YES1: variants seen among roughly 807,000 people sequenced by gnomAD.
YES1 encodes the protein YES proto-oncogene 1, Src family tyrosine kinase, also known as tyrosine-protein kinase Yes.
YES1 carries 39 observed loss-of-function variants against 70.4 expected under a neutral mutation model. The observed-to-expected ratio is 0.55, with a 90% CI of 0.43 to 0.72. YES1 has a LOEUF of 0.72. Among genes scored for constraint, YES1 ranks in the 30% least tolerant of loss-of-function variants. The pLI, the probability that YES1 is intolerant of heterozygous loss-of-function variation, is 0.00. For synonymous variants in YES1, 198 were observed against 218.6 expected, an observed-to-expected ratio of 0.91 and a Z score of 0.83; for missense variants, 495 against 644.8, an observed-to-expected ratio of 0.77 and a Z score of 2.52.
chr18:784,082 CAT>C (rs1274961316), intron 1 of YES1, among the ~76,000 whole-genome samples: 1 of 152,168 alleles, frequency 6.6e-6, no homozygotes, highest in Non-Finnish European at 1.5e-5. Context: ...TTTTAACACA[CAT>C]GTTGTCATAC....
At chr18:801,075 G>A (rs1269086051) in intron 1 of YES1, among the ~76,000 whole-genome samples, 1 of 151,806 alleles carries the variant, frequency 6.6e-6, no homozygotes, top group Non-Finnish European at 1.5e-5. Flanking sequence ...GAACCAAGGA[G>A]GTGGAGGTTG....
At position 732,867 on chromosome 18, in the gene YES1, C is replaced by A; in HGVS notation, c.1390G>T (p.Glu464Ter). The A allele has an allele frequency of 6.2e-7, 1 of 1,614,200 alleles. No homozygotes were observed. The highest frequency in any genetic ancestry group is 1.1e-5 in the South Asian group (1 of 91,080). ...DVWSFGILQT[E>*]LVTKGRVPYP... ...GGCACTCGGCCCTTTGTTACTAGTT[C>A]TGTTTGCAGAATTCCAAATGACCAG... The change falls in exon 11 of 12, where the codon GAA (glutamate) becomes TAA (stop). Residue 464 changes from glutamate (E) to a stop codon, truncating the protein, a stop_gained. Coordinates refer to ENST00000314574, the MANE Select transcript of YES1 (RefSeq NM_005433.4). LOFTEE classifies it high-confidence loss of function.
At chr18:757,340 A>G (rs8092717) in intron 1 of YES1, among the ~76,000 whole-genome samples, 2,024 of 151,398 alleles carry the variant, frequency 0.013, 53 homozygotes, top group African/African-American at 0.047. Context: ...CGCCTCTACT[A>G]AAAATGCAAA....
intron 11 of YES1, 69 bp downstream of exon 11, chr18:732,765 T>C (rs756840042): frequency 7.9e-5 from 126 of 1,602,026 alleles, no homozygotes; most frequent in Non-Finnish European, 9.8e-5. Flanking sequence ...CCGCTTACAA[T>C]TCTGTTCCTA....
intron 1 of YES1, among the ~76,000 whole-genome samples, chr18:804,013 T>C (rs4085840): frequency 0.37 from 56,653 of 152,114 alleles, 11,461 homozygotes; most frequent in African/African-American, 0.52. Flanking sequence ...TTCAGAACAC[T>C]GTAATTTTAG....
intron 11 of YES1, among the ~76,000 whole-genome samples, chr18:729,900 C>G (rs1487979287): frequency 6.6e-6 from 1 of 152,170 alleles, no homozygotes. Flanking sequence ...GTTGGGATTA[C>G]AGGCGTGAGC....
chr18:735,533 G>A lies in YES1; in HGVS notation c.1291+1275C>T, dbSNP rs550031795. On this transcript the variant is annotated intron_variant, in intron 10 of 11. Coordinates refer to ENST00000314574, the MANE Select transcript of YES1 (RefSeq NM_005433.4). ...GTGGATAAAAGACTACATGTTGGAGGTGAAACCCCGTCTCTACTGAAAATA... is the reference window on the plus strand; with the variant it reads ...GTGGATAAAAGACTACATGTTGGAGATGAAACCCCGTCTCTACTGAAAATA... Among the ~76,000 whole-genome samples, 7 of 152,114 alleles carry A rather than the reference G, an allele frequency of 4.6e-5. No individual in the cohort carries two copies. In the South Asian group the frequency reaches 1.2e-3, roughly 27 times the overall value.
chr18:769,261 T>G (rs890282444), intron 1 of YES1, among the ~76,000 whole-genome samples: 1 of 152,244 alleles, frequency 6.6e-6, no homozygotes, highest in African/African-American at 2.4e-5. Flanking sequence ...TAAGTAAATC[T>G]GTATACAAAG....
intron 11 of YES1, among the ~76,000 whole-genome samples, chr18:724,840 T>C (rs1485170072): frequency 6.6e-6 from 1 of 152,244 alleles, no homozygotes; most frequent in African/African-American, 2.4e-5. Context: ...TAATTTTTCA[T>C]TCCATCTTAT....
At chr18:779,852 G>C (rs1355462074) in intron 1 of YES1, among the ~76,000 whole-genome samples, 1 of 151,756 alleles carries the variant, frequency 6.6e-6, no homozygotes. Context: ...TTCTTTAATT[G>C]GGGTTTTAAA....
At chr18:791,476 A>G (rs1906246932) in intron 1 of YES1, among the ~76,000 whole-genome samples, 1 of 152,146 alleles carries the variant, frequency 6.6e-6, no homozygotes, top group East Asian at 1.9e-4. Flanking sequence ...CACCCCTTAA[A>G]GATGAGGAAA....
chr18:738,748 G>C (rs1159491462), intron 9 of YES1: 1 of 149,004 alleles, frequency 6.7e-6, no homozygotes, highest in East Asian at 1.9e-4. Context: ...TATTTTCTTT[G>C]GAACAGCCCT....
rs1182902986 is a variant in YES1, at chr18:722,442, G to A, written c.*1982C>T. 6.6e-6 allele frequency: 1 copy of A among 152,584 alleles called. No homozygotes were observed. The highest frequency in any genetic ancestry group is 1.5e-5 in the Non-Finnish European group (1 of 68,008). The allele number at this position is 152,584 out of a possible 1,614,324, so 9.5% of individuals were successfully genotyped here. A position where few individuals can be genotyped will look rare whatever the true frequency, so the allele number is the denominator to read the frequency against. On this transcript the variant is annotated 3_prime_UTR_variant, in exon 12 of 12. Transcript: ENST00000314574. ...TTTCGAATCTGATGATTAAAATCAG[G>A]TAAATAATGATAGTTAAGAATTATA...
chr18:800,636 ATGG>A (rs1906773032), intron 1 of YES1, among the ~76,000 whole-genome samples: 1 of 152,244 alleles, frequency 6.6e-6, no homozygotes, highest in East Asian at 1.9e-4. Flanking sequence ...GGCTACTAAG[ATGG>A]TGAAGAAAAT....
chr18:740,842 G>A (rs1236256174), intron 8 of YES1, among the ~76,000 whole-genome samples: 3 of 151,934 alleles, frequency 2.0e-5, no homozygotes, highest in African/African-American at 4.8e-5. Flanking sequence ...GAGCTAAATG[G>A]GCTATTAGCC....
chr18:791,037 G>A (rs970420468), intron 1 of YES1, among the ~76,000 whole-genome samples: 3 of 152,154 alleles, frequency 2.0e-5, no homozygotes, highest in Admixed American at 1.3e-4. Context: ...ATCATCTGGG[G>A]TCAAGAGTTC....
chr18:751,564 A>G, intron 3 of YES1, 141 bp downstream of exon 3: 2 of 599,904 alleles, frequency 3.3e-6, no homozygotes, highest in Non-Finnish European at 5.9e-6. Context: ...ATGCATCTAT[A>G]GAAGCCAATG....
intron 2 of YES1, among the ~76,000 whole-genome samples, chr18:753,171 T>C (rs1286321320): frequency 6.6e-6 from 1 of 151,862 alleles, no homozygotes; most frequent in East Asian, 1.9e-4. Flanking sequence ...CTCCATAATA[T>C]ATTAATATTC....
rs1162446601 is a variant in YES1 at position 722,363 on chromosome 18, A to G, written c.*2061T>C. 2 of 149,178 alleles carry G rather than the reference A, an allele frequency of 1.3e-5. No individual in the cohort carries two copies. Among genetic ancestry groups the G allele is most frequent in the African/African-American group, 5.0e-5 (2 of 40,174 alleles). The allele number at this position is 149,178 out of a possible 1,614,324, so 9.2% of individuals were successfully genotyped here. ...ACCACTGCCAACTTGCATGAAGTCC[A>G]TCTTCACATTTTAAAAATGGTTTGA... On this transcript the variant is annotated 3_prime_UTR_variant, in exon 12 of 12. Transcript: ENST00000314574.
Sources: allele counts gnomAD v4.1 joint callset (sites outside exome capture counted in the v4.1 genomes callset), GRCh38; gene constraint gnomAD v4.1.1; transcripts MANE v1.5; gene names NCBI Gene and HGNC (gene_info 2026-07-23, HGNC 2026-07-21).